The following RPS6KC1 variants were observed in gnomAD, a reference collection of about 807,000 sequenced individuals.
The protein encoded by RPS6KC1 is ribosomal protein S6 kinase C1.
RPS6KC1 carries 54 observed loss-of-function variants against 103.8 expected under a neutral mutation model. The observed-to-expected ratio is 0.52, with a 90% confidence interval of 0.42 to 0.65. RPS6KC1 has a LOEUF of 0.65. Among genes scored for constraint, RPS6KC1 ranks in the 30% least tolerant of loss-of-function variants. The probability of loss-of-function intolerance (pLI) is 0.00; values close to 1 mark genes in which losing one functional copy is unlikely to be tolerated. For missense variants in RPS6KC1, 1,151 were observed against 1,253.8 expected, an observed-to-expected ratio of 0.92 and a Z score of 1.24; for synonymous variants, 439 against 438.7, an observed-to-expected ratio of 1.00 and a Z score of -0.01.
the RPS6KC1 span, among the ~76,000 whole-genome samples, chr1:213,645,950 C>T: frequency 4.6e-5 from 7 of 152,162 alleles, no homozygotes; most frequent in African/African-American, 7.2e-5. Flanking sequence ...TCATAGACAA[C>T]CTGGTCATTC....
chr1:213,227,112 T>C (rs998121491), intron 8 of RPS6KC1, among the ~76,000 whole-genome samples: 1 of 152,204 alleles, frequency 6.6e-6, no homozygotes, highest in African/African-American at 2.4e-5. Flanking sequence ...CCTACCTCTT[T>C]GGATTGTTGA....
chr1:213,813,299 G>GC, the RPS6KC1 span, among the ~76,000 whole-genome samples: 1 of 151,912 alleles, frequency 6.6e-6, no homozygotes, highest in African/African-American at 2.4e-5. Context: ...AGCTGAAGAT[G>GC]TCTTAAAGTG....
chr1:213,461,155 C>T, the RPS6KC1 span, among the ~76,000 whole-genome samples: 1 of 152,050 alleles, frequency 6.6e-6, no homozygotes, highest in African/African-American at 2.4e-5. Context: ...AACAGAGAGC[C>T]AAATCATGAG....
At chr1:213,279,632 C>G (rs747456315), downstream of RPS6KC1, among the ~76,000 whole-genome samples, 4 of 152,144 alleles carry the variant, frequency 2.6e-5, no homozygotes, top group African/African-American at 7.2e-5. Flanking sequence ...ACATTACATC[C>G]TGCCAGGTGA....
At chr1:213,514,757 G>C in the RPS6KC1 span, among the ~76,000 whole-genome samples, 1 of 152,156 alleles carries the variant, frequency 6.6e-6, no homozygotes, top group Admixed American at 6.5e-5. Context: ...TAATGGGATG[G>C]CTGGGTCAAA....
At chr1:213,140,968 C>A (rs2086958645) in intron 6 of RPS6KC1, among the ~76,000 whole-genome samples, 1 of 149,436 alleles carries the variant, frequency 6.7e-6, no homozygotes, top group Non-Finnish European at 1.5e-5. Context: ...GTGATCTTGG[C>A]TCACTGCAAC....
the RPS6KC1 span, chr1:213,819,837 A>G: frequency 6.6e-6 from 1 of 152,328 alleles, no homozygotes; most frequent in African/African-American, 2.4e-5. Flanking sequence ...GAGTCACTAA[A>G]TCTATAGAAA....
At chr1:213,237,722 A>C (rs1222480430) in intron 10 of RPS6KC1, among the ~76,000 whole-genome samples, 1 of 152,078 alleles carries the variant, frequency 6.6e-6, no homozygotes, top group African/African-American at 2.4e-5. Flanking sequence ...ATCTGAGGAG[A>C]GACAAAGAGT....
the RPS6KC1 span, among the ~76,000 whole-genome samples, chr1:213,381,765 A>G: frequency 6.6e-6 from 1 of 152,040 alleles, no homozygotes; most frequent in Non-Finnish European, 1.5e-5. Context: ...GGCCGCCTTT[A>G]TAGTTGGTTC....
At chr1:213,847,775 G>A in the RPS6KC1 span, among the ~76,000 whole-genome samples, 442 of 152,190 alleles carry the variant, frequency 2.9e-3, 4 homozygotes, top group African/African-American at 0.01. Flanking sequence ...CTCAGAAGAC[G>A]CCATTGTATA....
At chr1:213,431,963 T>C in the RPS6KC1 span, among the ~76,000 whole-genome samples, 15 of 152,310 alleles carry the variant, frequency 9.8e-5, no homozygotes, top group Admixed American at 9.2e-4. Context: ...CTCACTAGCA[T>C]TGAATATTGC....
chr1:213,207,094 G>C (rs995588153), intron 8 of RPS6KC1, among the ~76,000 whole-genome samples: 1 of 152,184 alleles, frequency 6.6e-6, no homozygotes, highest in Admixed American at 6.5e-5. Context: ...GGGCATCAGA[G>C]TGAGACTCAC....
At chr1:213,066,528 A>C (rs1043615084) in intron 1 of RPS6KC1, among the ~76,000 whole-genome samples, 1 of 152,228 alleles carries the variant, frequency 6.6e-6, no homozygotes, top group Non-Finnish European at 1.5e-5. Flanking sequence ...TATATTGCAT[A>C]ATAATCATGA....
chr1:213,415,494 T>C, the RPS6KC1 span, among the ~76,000 whole-genome samples: 2 of 152,070 alleles, frequency 1.3e-5, no homozygotes, highest in Non-Finnish European at 2.9e-5. Context: ...CAATCCGAGG[T>C]GGGGCAGGAC....
the RPS6KC1 span, among the ~76,000 whole-genome samples, chr1:213,719,942 C>A: frequency 6.6e-6 from 1 of 152,090 alleles, no homozygotes; most frequent in African/African-American, 2.4e-5. Context: ...CATTATCTTC[C>A]ATTTCTTTAC....
At chr1:213,525,087 A>G in the RPS6KC1 span, among the ~76,000 whole-genome samples, 1 of 152,212 alleles carries the variant, frequency 6.6e-6, no homozygotes, top group South Asian at 2.1e-4. Flanking sequence ...GATGATTTTA[A>G]CCTGAGCTAA....
the RPS6KC1 span, among the ~76,000 whole-genome samples, chr1:213,361,429 G>A: frequency 6.2e-4 from 94 of 152,370 alleles, no homozygotes; most frequent in African/African-American, 2.0e-3. Context: ...GGGTGTGAGC[G>A]ACCCGATTTT....
chr1:213,248,216 GA>G (rs1266105988), intron 12 of RPS6KC1, among the ~76,000 whole-genome samples: 1 of 151,936 alleles, frequency 6.6e-6, no homozygotes, highest in Non-Finnish European at 1.5e-5. Flanking sequence ...TCCTAAAACA[GA>G]AAGAAGGTGG....
the RPS6KC1 span, among the ~76,000 whole-genome samples, chr1:213,776,128 G>T: frequency 6.6e-6 from 1 of 152,178 alleles, no homozygotes; most frequent in Admixed American, 6.5e-5. Flanking sequence ...AGTCATCCAT[G>T]AGGGTTTGAA....
Sources: gnomAD v4.1 joint callset for allele counts (sites outside exome capture counted in the v4.1 genomes callset) on GRCh38, gnomAD v4.1.1 for gene constraint, MANE v1.5 for transcripts, NCBI Gene and HGNC (gene_info 2026-07-23, HGNC 2026-07-21) for gene names.